Variants in PRKN observed in about 807,000 individuals in gnomAD.
PRKN encodes the protein parkin RBR E3 ubiquitin protein ligase.
A neutral mutation model predicts 59.5 loss-of-function variants in PRKN; 56 were observed. The observed-to-expected ratio is 0.94, with a 90% CI of 0.76 to 1.18. PRKN has a LOEUF of 1.18. PRKN is among the 50% of genes most tolerant of loss of function. PRKN has a pLI of 0.00. For synonymous variants in PRKN, 250 were observed against 222.1 expected (o/e 1.13, Z -1.12); for missense variants, 657 against 596.4 (o/e 1.10, Z -1.06).
intron 6 of PRKN, among the ~76,000 whole-genome samples, chr6:161,878,025 G>C (rs1484255624): frequency 6.6e-6 from 1 of 152,068 alleles, no homozygotes; most frequent in Non-Finnish European, 1.5e-5. Flanking sequence ...TCTCTTGAAG[G>C]GTGGGTCAGC....
intron 6 of PRKN, among the ~76,000 whole-genome samples, chr6:161,949,119 C>A (rs1261313322): frequency 6.6e-6 from 1 of 152,100 alleles, no homozygotes; most frequent in Admixed American, 6.6e-5. Flanking sequence ...TAGTTCCATG[C>A]AGGACATGAT....
chr6:161,389,470 G>A (rs1239250263), intron 9 of PRKN, among the ~76,000 whole-genome samples: 1 of 152,098 alleles, frequency 6.6e-6, no homozygotes, highest in African/African-American at 2.4e-5. Flanking sequence ...AAGGTTGGTG[G>A]GACAGCGTGT....
chr6:162,250,143 C>T (rs547784644), intron 3 of PRKN, among the ~76,000 whole-genome samples: 6 of 149,778 alleles, frequency 4.0e-5, no homozygotes, highest in Non-Finnish European at 8.9e-5. Flanking sequence ...AGCAAGACTC[C>T]GTCTCAAAAA....
Position 161,499,541 on chromosome 6 carries a change from T to A in PRKN, c.1083+49313A>T, listed in dbSNP as rs1443655994. Among the ~76,000 whole-genome samples the A allele has an allele frequency of 1.3e-5, 2 of 152,190 alleles. No individual in the cohort carries two copies. Among genetic ancestry groups the A allele is most frequent in the Admixed American group, 1.3e-4 (2 of 15,280 alleles). On this transcript the variant is annotated intron_variant, in intron 9 of 11. Coordinates refer to ENST00000366898, the MANE Select transcript of PRKN (RefSeq NM_004562.3). This position sits in a 1 kb window ranked among gnomAD's most constrained non-coding sequence, Gnocchi z 4.2. ...GGGACCTCTCTTCTAGCCTCTTGCATCTACCTCTATGGTTTGACTTCTGAA... is the reference window on the plus strand; with the variant it reads ...GGGACCTCTCTTCTAGCCTCTTGCAACTACCTCTATGGTTTGACTTCTGAA...
chr6:161,356,853 G>A lies in PRKN; in HGVS notation c.1285+3235C>T, dbSNP rs1784778323. On this transcript the variant is annotated intron_variant, in intron 11 of 11. Coordinates refer to ENST00000366898, the MANE Select transcript of PRKN (RefSeq NM_004562.3). The surrounding 1 kb of genome is among the most constrained non-coding windows in gnomAD (Gnocchi z 7.8). ...GGCTATTGGAGTCGGACCGAGGGGC[G>A]AGATGAGGGTGGGGTGTAGATTTGG... is the stretch of plus-strand genomic sequence containing the variant. Among the ~76,000 whole-genome samples, 1 of 152,092 alleles carries A rather than the reference G, an allele frequency of 6.6e-6. No individual in the cohort carries two copies. The highest frequency in any genetic ancestry group is 2.1e-4 in the South Asian group (1 of 4,820).
At chr6:162,654,253 T>A (rs954239349) in intron 1 of PRKN, among the ~76,000 whole-genome samples, 2 of 152,234 alleles carry the variant, frequency 1.3e-5, no homozygotes, top group African/African-American at 4.8e-5. Context: ...AAAAGCCATG[T>A]TCATACACAT....
chr6:161,936,041 A>T (rs1047344844), intron 6 of PRKN, among the ~76,000 whole-genome samples: 3 of 152,202 alleles, frequency 2.0e-5, no homozygotes, highest in African/African-American at 7.2e-5. Context: ...TTTTAAACAA[A>T]TGAGATCAAC....
rs190373571 is a variant in PRKN at position 161,593,934 on chromosome 6, G to A, written c.872-24518C>T. The stretch of plus-strand genomic sequence containing the variant: ...TGGGAGGCTGAGGTGGGCAGATCAC[G>A]AGGTCAGGAGTTTGAGACCAGCCTG... On this transcript the variant is annotated intron_variant, in intron 7 of 11. Coordinates refer to ENST00000366898, the MANE Select transcript of PRKN (RefSeq NM_004562.3). The surrounding 1 kb of genome is among the most constrained non-coding windows in gnomAD (Gnocchi z 4.8). Among the ~76,000 whole-genome samples the A allele has an allele frequency of 4.1e-3, 623 of 151,570 alleles. 2 individuals are homozygous for A. Among genetic ancestry groups the A allele is most frequent in the Non-Finnish European group, 6.2e-3 (419 of 67,878 alleles).
At chr6:161,907,079 A>T (rs188398523) in intron 6 of PRKN, among the ~76,000 whole-genome samples, 2 of 152,266 alleles carry the variant, frequency 1.3e-5, no homozygotes, top group Admixed American at 1.3e-4. Context: ...CCTTCAGTCC[A>T]ATCAAGTTGA....
intron 2 of PRKN, among the ~76,000 whole-genome samples, chr6:162,282,668 G>C (rs1780963191): frequency 6.6e-6 from 1 of 152,178 alleles, no homozygotes; most frequent in South Asian, 2.1e-4. Context: ...TATAACTCTA[G>C]AAGTACACGG....
intron 1 of PRKN, among the ~76,000 whole-genome samples, chr6:162,506,751 A>G (rs1326621691): frequency 1.4e-4 from 21 of 152,124 alleles, no homozygotes; most frequent in Admixed American, 1.2e-3. Flanking sequence ...TGAGTTTAGG[A>G]AAGTTCAAGG....
At chr6:161,768,926 T>A (rs4299802) in intron 7 of PRKN, among the ~76,000 whole-genome samples, 1 of 151,968 alleles carries the variant, frequency 6.6e-6, no homozygotes, top group Admixed American at 6.5e-5. Context: ...CTATTTATAC[T>A]CCTACATATA....
chr6:162,137,079 ACACT>A (rs973275627), intron 4 of PRKN, among the ~76,000 whole-genome samples: 157 of 152,248 alleles, frequency 1.0e-3, no homozygotes, highest in African/African-American at 3.5e-3. Context: ...TCTAAAAGAA[ACACT>A]CAATCTATTC....
chr6:161,761,915 G>C (rs1306861054), intron 7 of PRKN, among the ~76,000 whole-genome samples: 1 of 152,186 alleles, frequency 6.6e-6, no homozygotes, highest in Non-Finnish European at 1.5e-5. Flanking sequence ...TTCCAGAATG[G>C]AACAGGACAT....
intron 10 of PRKN, among the ~76,000 whole-genome samples, chr6:161,365,319 G>C (rs1292530712): frequency 2.0e-5 from 3 of 152,182 alleles, no homozygotes; most frequent in African/African-American, 4.8e-5. Flanking sequence ...ACTTATCTGG[G>C]AGGCCTTGTC....
chr6:161,409,469 C>T lies in PRKN; in HGVS notation c.1084-22592G>A, dbSNP rs968114832. ...CTAATACATAAAATGCGGAAGGACC[C>T]AGTCTTTCCAGAGTGCCCCTTTCTC... On this transcript the variant is annotated intron_variant, in intron 9 of 11. Coordinates refer to ENST00000366898, the MANE Select transcript of PRKN (RefSeq NM_004562.3). This position sits in a 1 kb window ranked among gnomAD's most constrained non-coding sequence, Gnocchi z 4.6. Among the ~76,000 whole-genome samples, 5 of 151,790 alleles carry T rather than the reference C, an allele frequency of 3.3e-5. No homozygotes were observed. The highest frequency in any genetic ancestry group is 4.1e-4 in the South Asian group (2 of 4,830).
chr6:161,842,466 T>TAAAAAAAA (rs61182650), intron 6 of PRKN, among the ~76,000 whole-genome samples: 2 of 135,806 alleles, frequency 1.5e-5, no homozygotes, highest in African/African-American at 5.5e-5. Context: ...AATGAGACTC[T>TAAAAAAAA]AAAAAAAAAA....
At chr6:161,389,456 T>C (rs1179632396) in intron 9 of PRKN, among the ~76,000 whole-genome samples, 1 of 152,234 alleles carries the variant, frequency 6.6e-6, no homozygotes, top group East Asian at 1.9e-4. Flanking sequence ...GTAAACTTTA[T>C]TTAAAGGTTG....
At chr6:161,778,666 C>T (rs1013929749) in intron 7 of PRKN, among the ~76,000 whole-genome samples, 1 of 152,020 alleles carries the variant, frequency 6.6e-6, no homozygotes. Flanking sequence ...TCTGGAGGTC[C>T]AGCCATTTTA....
Sources: allele counts gnomAD v4.1 joint callset (sites outside exome capture counted in the v4.1 genomes callset), GRCh38; gene constraint gnomAD v4.1.1; non-coding constraint Gnocchi (gnomAD v3.1); transcripts MANE v1.5; gene names NCBI Gene and HGNC (gene_info 2026-07-23, HGNC 2026-07-21).